Variants in ERBB4 observed in about 807,000 individuals in gnomAD.
The protein encoded by ERBB4 is receptor tyrosine-protein kinase erbB-4.
A neutral mutation model predicts 158.0 loss-of-function variants in ERBB4; 42 were observed. The observed-to-expected ratio is 0.27, with a 90% CI of 0.21 to 0.34. The LOEUF (loss-of-function observed/expected upper bound fraction) is 0.34, where lower values mean the gene tolerates loss of function less well. Among genes scored for constraint, ERBB4 ranks in the 10% least tolerant of loss-of-function variants. ERBB4 has a pLI of 1.00. For synonymous variants in ERBB4, 583 were observed against 558.7 expected, an observed-to-expected ratio of 1.04 and a Z score of -0.61; for missense variants, 1,333 against 1,624.1, an observed-to-expected ratio of 0.82 and a Z score of 3.08.
intron 4 of ERBB4, among the ~76,000 whole-genome samples, chr2:211,753,162 G>C (rs1312300875): frequency 4.6e-5 from 2 of 43,086 alleles, no homozygotes; most frequent in African/African-American, 1.5e-4. Context: ...TATCTGATTA[G>C]AGATATTTAT....
intron 20 of ERBB4, among the ~76,000 whole-genome samples, chr2:211,435,597 C>T (rs1211895131): frequency 2.0e-5 from 3 of 152,178 alleles, no homozygotes; most frequent in African/African-American, 2.4e-5. Flanking sequence ...GCTCTGCCTC[C>T]TGTCAGATTA....
In ERBB4 at chr2:211,382,114, C is replaced by T. The variant is rs1208013060; in HGVS notation, c.*1501G>A. 1 of 230,162 alleles carries T rather than the reference C, an allele frequency of 4.3e-6. No homozygotes were observed. 14.3% of individuals were successfully genotyped at this position (230,162 alleles called of 1,614,324 possible). On this transcript the variant is annotated 3_prime_UTR_variant, in exon 28 of 28. Coordinates refer to ENST00000342788, the MANE Select transcript of ERBB4 (RefSeq NM_005235.3). Reference sequence around the variant, plus strand: ...TGAGAAGATGTTTCACATTTATTTACAACTTTTGACCCAAGGACCTATCCC... The same window carrying T: ...TGAGAAGATGTTTCACATTTATTTATAACTTTTGACCCAAGGACCTATCCC...
At chr2:211,794,063 G>A (rs1348765321) in intron 3 of ERBB4, among the ~76,000 whole-genome samples, 1 of 151,898 alleles carries the variant, frequency 6.6e-6, no homozygotes, top group Non-Finnish European at 1.5e-5. Context: ...TTCCATCAGA[G>A]TATAGCAATT....
At chr2:211,772,319 G>A (rs1253618046) in intron 4 of ERBB4, among the ~76,000 whole-genome samples, 1 of 152,130 alleles carries the variant, frequency 6.6e-6, no homozygotes, top group Non-Finnish European at 1.5e-5. Context: ...TAAGACTGAA[G>A]AAATCATGCT....
At chr2:212,207,012 A>AC (rs397970689) in intron 1 of ERBB4, among the ~76,000 whole-genome samples, 1 of 151,928 alleles carries the variant, frequency 6.6e-6, no homozygotes, top group African/African-American at 2.4e-5. Context: ...AAAAAAAAAA[A>AC]CTTTTGATGA....
intron 1 of ERBB4, among the ~76,000 whole-genome samples, chr2:212,191,302 A>T (rs2082180090): frequency 6.6e-6 from 1 of 151,910 alleles, no homozygotes; most frequent in African/African-American, 2.4e-5. Context: ...TGGGGACTAC[A>T]CTTTGAGAAC....
intron 1 of ERBB4, among the ~76,000 whole-genome samples, chr2:212,344,474 ATATG>A (rs71054196): frequency 0.14 from 20,720 of 143,202 alleles, 1,475 homozygotes; most frequent in South Asian, 0.24. Flanking sequence ...GTGTGTGTAT[ATATG>A]TGTGTGTGTG....
intron 1 of ERBB4, among the ~76,000 whole-genome samples, chr2:212,315,983 T>C (rs886369677): frequency 1.3e-5 from 2 of 151,244 alleles, no homozygotes; most frequent in African/African-American, 4.8e-5. Flanking sequence ...TCACCAAATA[T>C]ATGAGGAAGT....
chr2:212,097,144 A>G (rs1225958873), intron 2 of ERBB4, among the ~76,000 whole-genome samples: 1 of 152,154 alleles, frequency 6.6e-6, no homozygotes, highest in Non-Finnish European at 1.5e-5. Flanking sequence ...TTGTTCCCAT[A>G]AGATAATCAA....
At chr2:211,921,553 GAGA>G (rs1322998980) in intron 3 of ERBB4, among the ~76,000 whole-genome samples, 1 of 152,096 alleles carries the variant, frequency 6.6e-6, no homozygotes, top group African/African-American at 2.4e-5. Context: ...GAATGAGAGA[GAGA>G]AGGTTTCTAT....
rs527441604 is a variant in ERBB4 at position 212,055,154 on chromosome 2, C to T, written c.234+69598G>A. ...GCAAATGGCACACCAGGTTATACTC[C>T]GCACCTGGCTCGGAGGGTCCCACGC... On this transcript the variant is annotated intron_variant, in intron 2 of 27. Coordinates refer to ENST00000342788, the MANE Select transcript of ERBB4 (RefSeq NM_005235.3). Among the ~76,000 whole-genome samples the T allele has an allele frequency of 6.7e-4, 102 of 152,276 alleles. 1 individual carries two copies. Among genetic ancestry groups the T allele is most frequent in the East Asian group, 2.7e-3 (14 of 5,174 alleles).
chr2:211,662,328 C>A (rs2071461022), intron 15 of ERBB4, among the ~76,000 whole-genome samples: 1 of 151,956 alleles, frequency 6.6e-6, no homozygotes, highest in South Asian at 2.1e-4. Flanking sequence ...GTTAAGTTTA[C>A]AAATCTTTAA....
rs918885148 is a variant in ERBB4 at position 211,499,388 on chromosome 2, T to C, written c.2487+62515A>G. 2.2e-4 allele frequency among the ~76,000 whole-genome samples: 33 copies of C among 151,952 alleles called. No individual in the cohort carries two copies. In the East Asian group the frequency reaches 4.5e-3, roughly 21 times the overall value. Reference sequence around the variant, plus strand: ...AATACAAAAAATTAGCTGGGTGTGGTGGTGTGTGCCTGTCGTTCCAGCTAC... The same window carrying C: ...AATACAAAAAATTAGCTGGGTGTGGCGGTGTGTGCCTGTCGTTCCAGCTAC... On this transcript the variant is annotated intron_variant, in intron 20 of 27. Transcript: ENST00000342788.
chr2:211,574,252 T>C (rs2067826187), intron 19 of ERBB4, among the ~76,000 whole-genome samples: 1 of 152,186 alleles, frequency 6.6e-6, no homozygotes, highest in African/African-American at 2.4e-5. Flanking sequence ...GTCAGCACTT[T>C]ATCAGCTATT....
Position 211,905,681 on chromosome 2 carries a change from T to TATATATATACAC in ERBB4, c.421+41748_421+41749insGTGTATATATAT, listed in dbSNP as rs1480195605. On this transcript the variant is annotated intron_variant, in intron 3 of 27. Coordinates refer to ENST00000342788, the MANE Select transcript of ERBB4 (RefSeq NM_005235.3). ...ATATATATATATATATATATATATA[T>TATATATATACAC]ACACACATATATGTGTGTGTATGTG... is the stretch of plus-strand genomic sequence containing the variant. Among the ~76,000 whole-genome samples the TATATATATACAC allele has an allele frequency of 6.1e-3, 675 of 110,326 alleles. 6 individuals carry two copies. Among genetic ancestry groups the TATATATATACAC allele is most frequent in the Non-Finnish European group, 9.9e-3 (549 of 55,262 alleles). 72.4% of individuals were successfully genotyped at this position (110,326 alleles called of 152,430 possible).
intron 2 of ERBB4, among the ~76,000 whole-genome samples, chr2:212,121,883 T>C (rs1376393225): frequency 2.0e-5 from 3 of 152,138 alleles, no homozygotes; most frequent in Non-Finnish European, 4.4e-5. Flanking sequence ...TGAGTTTCTG[T>C]TCATTTTCTC....
intron 3 of ERBB4, among the ~76,000 whole-genome samples, chr2:211,892,955 G>C (rs1044809986): frequency 3.4e-5 from 5 of 146,404 alleles, no homozygotes; most frequent in African/African-American, 5.3e-5. Context: ...TGGGTAGGAA[G>C]AATCAATATC....
At position 211,808,503 on chromosome 2, in the gene ERBB4, C is replaced by A. The variant is rs1037274078; in HGVS notation, c.422-20344G>T. Among the ~76,000 whole-genome samples, 6 of 152,026 alleles carry A rather than the reference C, an allele frequency of 3.9e-5. 1 individual carries two copies. Among genetic ancestry groups the A allele is most frequent in the Admixed American group, 3.9e-4 (6 of 15,254 alleles). On this transcript the variant is annotated intron_variant, in intron 3 of 27. Transcript: ENST00000342788. Reference sequence around the variant, plus strand: ...TTGGTCTATATCTCTGTTTTGGTACCAGTACAATGCTGTTTTGGTTACTAT... The same window carrying A: ...TTGGTCTATATCTCTGTTTTGGTACAAGTACAATGCTGTTTTGGTTACTAT...
intron 1 of ERBB4, among the ~76,000 whole-genome samples, chr2:212,531,711 T>C (rs576876048): frequency 6.6e-6 from 1 of 152,108 alleles, no homozygotes; most frequent in East Asian, 1.9e-4. Flanking sequence ...GACATCTTCA[T>C]AAAGCCCAGG....
Sources: gnomAD v4.1 joint callset for allele counts (sites outside exome capture counted in the v4.1 genomes callset) on GRCh38, gnomAD v4.1.1 for gene constraint, MANE v1.5 for transcripts, NCBI Gene and HGNC (gene_info 2026-07-23, HGNC 2026-07-21) for gene names.